The following TRPM3 variants were observed in gnomAD, a reference collection of about 807,000 sequenced individuals.
TRPM3 encodes long transient receptor potential channel 3.
TRPM3 carries 77 observed loss-of-function variants against 181.2 expected under a neutral mutation model. That is an observed-to-expected ratio of 0.42 (90% CI 0.35 to 0.51). TRPM3 has a LOEUF of 0.51. Among genes scored for constraint, TRPM3 ranks in the 20% least tolerant of loss-of-function variants. The pLI, the probability that TRPM3 is intolerant of heterozygous loss-of-function variation, is 0.01. For missense variants in TRPM3, 1,759 were observed against 2,196.7 expected (o/e 0.80, Z 3.98); for synonymous variants, 745 against 796.4 (o/e 0.94, Z 1.09).
intron 1 of TRPM3, among the ~76,000 whole-genome samples, chr9:71,317,064 A>G (rs908499748): frequency 6.6e-6 from 1 of 152,082 alleles, no homozygotes; most frequent in African/African-American, 2.4e-5. Context: ...CTGTCATTCT[A>G]TTTTACTCTC....
At chr9:71,215,735 T>G (rs897182105) in intron 1 of TRPM3, among the ~76,000 whole-genome samples, 12 of 152,240 alleles carry the variant, frequency 7.9e-5, no homozygotes, top group African/African-American at 2.4e-5. Context: ...TTGAAAATTT[T>G]CTTTGCTGGT....
intron 7 of TRPM3, among the ~76,000 whole-genome samples, chr9:70,771,964 G>T (rs2080360166): frequency 6.6e-6 from 1 of 152,062 alleles, no homozygotes. Flanking sequence ...GTGTATTTTT[G>T]CCAGTGCCTA....
chr9:70,652,344 G>T (rs1471974525), intron 9 of TRPM3, among the ~76,000 whole-genome samples: 1 of 152,078 alleles, frequency 6.6e-6, no homozygotes, highest in Non-Finnish European at 1.5e-5. Context: ...AGAAAAGGGT[G>T]AGCAGGGAGG....
intron 18 of TRPM3, among the ~76,000 whole-genome samples, chr9:70,613,870 C>T (rs1055177994): frequency 6.6e-6 from 1 of 152,134 alleles, no homozygotes; most frequent in Non-Finnish European, 1.5e-5. Flanking sequence ...AGCTACCTCC[C>T]TTTGCTTTCT....
At chr9:70,793,595 T>G (rs1203630176) in intron 6 of TRPM3, 1 of 470,164 alleles carries the variant, frequency 2.1e-6, no homozygotes, top group Non-Finnish European at 4.4e-6. Flanking sequence ...ATTATCATGA[T>G]CAAACATTCC....
chr9:70,885,262 T>C (rs1042698185), intron 1 of TRPM3, among the ~76,000 whole-genome samples: 1 of 152,186 alleles, frequency 6.6e-6, no homozygotes, highest in Non-Finnish European at 1.5e-5. Flanking sequence ...TTGTGGGTGC[T>C]GTCTTGTGCC....
chr9:71,337,212 G>A (rs372920479), intron 1 of TRPM3, among the ~76,000 whole-genome samples: 29 of 152,004 alleles, frequency 1.9e-4, no homozygotes, highest in African/African-American at 5.3e-4. Flanking sequence ...TATCCAGAAT[G>A]TACAAGGAAC....
chr9:71,338,745 A>T (rs1164924245), intron 1 of TRPM3, among the ~76,000 whole-genome samples: 1 of 152,154 alleles, frequency 6.6e-6, no homozygotes, highest in African/African-American at 2.4e-5. Context: ...GAATAGATGG[A>T]TACTTCCTTG....
At chr9:71,378,539 G>A (rs142835242) in intron 1 of TRPM3, among the ~76,000 whole-genome samples, 8 of 152,026 alleles carry the variant, frequency 5.3e-5, no homozygotes, top group African/African-American at 1.9e-4. Context: ...GTCAACAATC[G>A]CTTATTGAAC....
chr9:71,093,890 G>A (rs2066668058), intron 1 of TRPM3, among the ~76,000 whole-genome samples: 1 of 152,038 alleles, frequency 6.6e-6, no homozygotes, highest in African/African-American at 2.4e-5. Flanking sequence ...TATACACCAT[G>A]GGATCCTATG....
At chr9:71,354,778 T>C (rs1365548889) in intron 1 of TRPM3, among the ~76,000 whole-genome samples, 1 of 152,212 alleles carries the variant, frequency 6.6e-6, no homozygotes, top group Non-Finnish European at 1.5e-5. Context: ...CTATATAAAA[T>C]GCTCCAGTTA....
intron 1 of TRPM3, among the ~76,000 whole-genome samples, chr9:71,386,293 C>T (rs1237173228): frequency 6.6e-6 from 1 of 151,492 alleles, no homozygotes; most frequent in Non-Finnish European, 1.5e-5. Context: ...TACTAAAATA[C>T]AAAAAATTAG....
intron 22 of TRPM3, among the ~76,000 whole-genome samples, chr9:70,564,610 C>T (rs2050057999): frequency 6.6e-6 from 1 of 152,148 alleles, no homozygotes; most frequent in African/African-American, 2.4e-5. Context: ...GAGGGGCCTT[C>T]TTAGGAAAAG....
intron 1 of TRPM3, among the ~76,000 whole-genome samples, chr9:71,060,079 C>T (rs2061137854): frequency 6.6e-6 from 1 of 151,962 alleles, no homozygotes; most frequent in Non-Finnish European, 1.5e-5. Context: ...TCTGTATTGC[C>T]CAAGAAAACA....
intron 25 of TRPM3, among the ~76,000 whole-genome samples, chr9:70,538,786 C>T (rs190213194): frequency 1.5e-3 from 221 of 152,290 alleles, no homozygotes; most frequent in African/African-American, 5.0e-3. Context: ...CTAATACCTG[C>T]CAGGTGTCAA....
chr9:71,122,237 C>T (rs543379843), upstream of TRPM3, among the ~76,000 whole-genome samples: 105 of 152,316 alleles, frequency 6.9e-4, no homozygotes, highest in African/African-American at 2.4e-3. Context: ...GGGGTGTCCA[C>T]CCCCATCATT....
chr9:70,917,044 G>C (rs530737591), intron 1 of TRPM3: 1 of 1,586,424 alleles, frequency 6.3e-7, no homozygotes, highest in South Asian at 1.1e-5. Flanking sequence ...CTGGTATGTC[G>C]CTAAGGCAAG....
At chr9:70,582,181 CGTGTGTGT>C (rs3073501) in intron 22 of TRPM3, among the ~76,000 whole-genome samples, 57 of 149,266 alleles carry the variant, frequency 3.8e-4, no homozygotes, top group African/African-American at 5.9e-4. Flanking sequence ...CCACCCTGTG[CGTGTGTGT>C]GTGTGTGTGT....
intron 1 of TRPM3, among the ~76,000 whole-genome samples, chr9:70,870,786 T>G (rs1349712370): frequency 6.6e-6 from 1 of 151,978 alleles, no homozygotes. Context: ...AATTATAAAT[T>G]TTAAATAGAT....
Sources: allele counts gnomAD v4.1 joint callset (sites outside exome capture counted in the v4.1 genomes callset), GRCh38; gene constraint gnomAD v4.1.1; transcripts MANE v1.5; gene names NCBI Gene and HGNC (gene_info 2026-07-23, HGNC 2026-07-21).